The following STXBP5L variants were observed in gnomAD, a reference collection of about 807,000 sequenced individuals.
The protein encoded by STXBP5L is syntaxin binding protein 5L, also known as syntaxin-binding protein 5-like.
A neutral mutation model predicts 144.5 loss-of-function variants in STXBP5L; 65 were observed. The observed-to-expected ratio is 0.45, with a 90% confidence interval of 0.37 to 0.55. STXBP5L has a LOEUF of 0.55. STXBP5L is among the 20% of genes least tolerant of loss of function. STXBP5L has a pLI of 0.00. For synonymous variants in STXBP5L, 505 were observed against 469.6 expected, an observed-to-expected ratio of 1.08 and a Z score of -0.97; for missense variants, 1,298 against 1,405.5, an observed-to-expected ratio of 0.92 and a Z score of 1.22.
rs183410576 is a variant in STXBP5L, at chr3:121,188,564, A to T, written c.878-17359A>T. On this transcript the variant is annotated intron_variant, in intron 9 of 26. Transcript: ENST00000471454. The stretch of plus-strand genomic sequence containing the variant: ...CATCGATGTGAAAATCCTCAATAAA[A>T]TACTGGCAAACTGAATCCAGCAGCA... Among the ~76,000 whole-genome samples the T allele has an allele frequency of 4.7e-3, 720 of 152,266 alleles. 5 individuals carry two copies. The highest frequency in any genetic ancestry group is 0.016 in the African/African-American group (679 of 41,544).
rs117283846 is a variant in STXBP5L, at chr3:121,000,627, T to G, written c.288-41073T>G. ...TTCTATGTCTGTCATTTCAGCCATT[T>G]CAGTTTGGTTAAGAACTATTGCTGG... On this transcript the variant is annotated intron_variant, in intron 3 of 26. Coordinates refer to ENST00000471454, the MANE Select transcript of STXBP5L (RefSeq NM_001308330.2). 2.1e-3 allele frequency among the ~76,000 whole-genome samples: 314 copies of G among 152,322 alleles called. 13 individuals are homozygous for G. In the East Asian group the frequency reaches 0.053, roughly 26 times the overall value.
chr3:121,005,857 T>G (rs997565310), intron 3 of STXBP5L, among the ~76,000 whole-genome samples: 2 of 152,072 alleles, frequency 1.3e-5, no homozygotes, highest in Non-Finnish European at 2.9e-5. Flanking sequence ...TGTAGTTGAG[T>G]GGTTTTGAGT....
intron 22 of STXBP5L, among the ~76,000 whole-genome samples, chr3:121,406,841 T>C (rs527375748): frequency 2.6e-4 from 40 of 152,134 alleles, no homozygotes; most frequent in African/African-American, 9.4e-4. Flanking sequence ...AATATGTACA[T>C]TTTTAAAATT....
intron 18 of STXBP5L, among the ~76,000 whole-genome samples, chr3:121,272,814 G>A (rs570445012): frequency 9.9e-5 from 15 of 151,982 alleles, no homozygotes; most frequent in Non-Finnish European, 1.9e-4. Flanking sequence ...TGAGGCTTAC[G>A]TGGAACATCT....
intron 5 of STXBP5L, among the ~76,000 whole-genome samples, chr3:121,073,666 G>C (rs2041900728): frequency 6.6e-6 from 1 of 152,160 alleles, no homozygotes; most frequent in African/African-American, 2.4e-5. Context: ...TGATGTCTTT[G>C]AAGGCCATGT....
At chr3:120,998,801 A>T (rs545402595) in intron 3 of STXBP5L, among the ~76,000 whole-genome samples, 1 of 152,332 alleles carries the variant, frequency 6.6e-6, no homozygotes, top group African/African-American at 2.4e-5. Flanking sequence ...CTAGGAATGC[A>T]GCTAACCTGG....
At chr3:121,259,678 A>G (rs2050323041) in intron 18 of STXBP5L, among the ~76,000 whole-genome samples, 1 of 152,044 alleles carries the variant, frequency 6.6e-6, no homozygotes, top group South Asian at 2.1e-4. Context: ...ATGACTTTAA[A>G]ATGTGTTACT....
intron 3 of STXBP5L, among the ~76,000 whole-genome samples, chr3:120,971,678 T>C (rs1298286065): frequency 6.6e-6 from 1 of 151,402 alleles, no homozygotes; most frequent in African/African-American, 2.4e-5. Flanking sequence ...CATTCATCTA[T>C]ATACACACAT....
At chr3:121,041,290 G>A (rs1947135579) in intron 3 of STXBP5L, among the ~76,000 whole-genome samples, 1 of 151,706 alleles carries the variant, frequency 6.6e-6, no homozygotes, top group Non-Finnish European at 1.5e-5. Flanking sequence ...TTTTTTATAT[G>A]TCAAGATTAT....
intron 4 of STXBP5L, among the ~76,000 whole-genome samples, chr3:121,044,211 C>G (rs1947353276): frequency 6.6e-6 from 1 of 151,616 alleles, no homozygotes; most frequent in Non-Finnish European, 1.5e-5. Context: ...ATACAAATTT[C>G]TAAATATTTT....
chr3:121,084,123 G>T (rs2042380419), intron 5 of STXBP5L, among the ~76,000 whole-genome samples: 1 of 151,816 alleles, frequency 6.6e-6, no homozygotes, highest in African/African-American at 2.4e-5. Flanking sequence ...TGCTCAGTTT[G>T]TGTTTATTTT....
At chr3:121,353,141 C>A (rs968966226) in intron 20 of STXBP5L, among the ~76,000 whole-genome samples, 2 of 151,962 alleles carry the variant, frequency 1.3e-5, no homozygotes, top group African/African-American at 2.4e-5. Flanking sequence ...GTCTAAAATT[C>A]TCTTTTTTTG....
At chr3:121,223,241 C>G in intron 11 of STXBP5L, 84 bp downstream of exon 11, 1 of 1,370,532 alleles carries the variant, frequency 7.3e-7, no homozygotes, top group Non-Finnish European at 9.9e-7. Context: ...TAAATATTTT[C>G]AGATGTCTAC....
intron 20 of STXBP5L, among the ~76,000 whole-genome samples, chr3:121,370,162 T>C (rs1331504597): frequency 6.6e-6 from 1 of 151,998 alleles, no homozygotes; most frequent in Non-Finnish European, 1.5e-5. Context: ...GGTCAGGAGT[T>C]CAAGACCAAC....
chr3:121,307,164 A>T (rs1273673422), intron 19 of STXBP5L, among the ~76,000 whole-genome samples: 1 of 152,210 alleles, frequency 6.6e-6, no homozygotes, highest in Non-Finnish European at 1.5e-5. Context: ...ATAAGCAAAC[A>T]GCAAAAACTG....
intron 9 of STXBP5L, among the ~76,000 whole-genome samples, chr3:121,182,903 A>T (rs1227478514): frequency 6.6e-6 from 1 of 152,216 alleles, no homozygotes; most frequent in Non-Finnish European, 1.5e-5. Flanking sequence ...TAGATGCAAA[A>T]ATCCTTAACA....
rs527477530 is a variant in STXBP5L, at chr3:121,018,839, G to T, written c.288-22861G>T. On this transcript the variant is annotated intron_variant, in intron 3 of 26. Transcript: ENST00000471454. ...ATGAACTTTTACTTCATGAATTACT[G>T]CAGGAACATACCAACAAAGACAAGA... Among the ~76,000 whole-genome samples, 32 of 152,252 alleles carry T rather than the reference G, an allele frequency of 2.1e-4. No homozygotes were observed. In the South Asian group the frequency reaches 2.3e-3, roughly 11 times the overall value.
chr3:121,164,622 G>A (rs538907607), intron 9 of STXBP5L, among the ~76,000 whole-genome samples: 1 of 152,114 alleles, frequency 6.6e-6, no homozygotes, highest in Non-Finnish European at 1.5e-5. Flanking sequence ...CAATAGCCAA[G>A]ATATGGAAAC....
intron 20 of STXBP5L, among the ~76,000 whole-genome samples, chr3:121,361,135 T>C (rs184790936): frequency 6.6e-6 from 1 of 152,206 alleles, no homozygotes; most frequent in Non-Finnish European, 1.5e-5. Context: ...TCCTGTAAAG[T>C]TTCCACTGAA....
Sources: gnomAD v4.1 joint callset for allele counts (sites outside exome capture counted in the v4.1 genomes callset) on GRCh38, gnomAD v4.1.1 for gene constraint, MANE v1.5 for transcripts, NCBI Gene and HGNC (gene_info 2026-07-23, HGNC 2026-07-21) for gene names.